Variants in GABRG1 observed in about 807,000 individuals in gnomAD.
GABRG1 encodes the protein gamma-aminobutyric acid type A receptor subunit gamma1.
In GABRG1, 49 loss-of-function variants were observed where a neutral mutation model predicts 49.8. The observed-to-expected ratio is 0.98, with a 90% confidence interval of 0.78 to 1.25. GABRG1 has a LOEUF of 1.25. GABRG1 is among the 50% of genes most tolerant of loss of function. The pLI is 0.00. For missense variants in GABRG1, 552 were observed against 552.3 expected (o/e 1.00, Z 0.01); for synonymous variants, 232 against 185.1 (o/e 1.25, Z -2.06).
intron 1 of GABRG1, among the ~76,000 whole-genome samples, chr4:46,108,287 T>G (rs1720617879): frequency 6.6e-6 from 1 of 151,002 alleles, no homozygotes; most frequent in Non-Finnish European, 1.5e-5. Flanking sequence ...AAAATTCTGC[T>G]TAGTAAATTT....
At chr4:46,085,015 T>C (rs1311797633) in intron 2 of GABRG1, among the ~76,000 whole-genome samples, 1 of 151,634 alleles carries the variant, frequency 6.6e-6, no homozygotes, top group Non-Finnish European at 1.5e-5. Context: ...GTTCCATCTG[T>C]AAGTACATTT....
intron 2 of GABRG1, among the ~76,000 whole-genome samples, chr4:46,088,268 T>C (rs534341595): frequency 1.3e-5 from 2 of 152,192 alleles, no homozygotes; most frequent in South Asian, 4.1e-4. Flanking sequence ...TCATATGTAA[T>C]GAAAAATTGT....
At chr4:46,057,566 T>G (rs1324308292) in intron 7 of GABRG1, among the ~76,000 whole-genome samples, 2 of 152,244 alleles carry the variant, frequency 1.3e-5, no homozygotes, top group African/African-American at 4.8e-5. Flanking sequence ...GTGATTTGAT[T>G]ATTGCAATAG....
chr4:46,111,768 T>A (rs1720723120), intron 1 of GABRG1, among the ~76,000 whole-genome samples: 1 of 151,312 alleles, frequency 6.6e-6, no homozygotes, highest in East Asian at 2.0e-4. Flanking sequence ...TAAATGGTGC[T>A]GGAATAGTTG....
chr4:46,063,048 G>C (rs1296046520), intron 5 of GABRG1, among the ~76,000 whole-genome samples: 1 of 150,708 alleles, frequency 6.6e-6, no homozygotes, highest in Non-Finnish European at 1.5e-5. Flanking sequence ...AACATTCCAT[G>C]CTCATGGGTA....
chr4:46,099,879 A>G (rs550741495), intron 1 of GABRG1, among the ~76,000 whole-genome samples: 59 of 151,776 alleles, frequency 3.9e-4, no homozygotes, highest in Non-Finnish European at 7.1e-4. Flanking sequence ...GACCAATGTA[A>G]CACTGCTACT....
Position 46,041,162 on chromosome 4 carries a change from C to T in GABRG1, c.1224G>A (p.Glu408=), listed in dbSNP as rs748727422. ...QEDDYGYQCL[E]GKDCASFFCC... ...AGAAGAAGCTGGCACAATCTTTGCC[C>T]TCCAAACACTGATACCCATAATCAT... Residue 408 remains glutamate, a synonymous_variant, in exon 9 of 9, where the codon GAG becomes GAA. Coordinates refer to ENST00000295452, the MANE Select transcript of GABRG1 (RefSeq NM_173536.4). 29 of 1,612,956 alleles carry T rather than the reference C, an allele frequency of 1.8e-5. No homozygotes were observed. In the South Asian group the frequency reaches 3.2e-4, roughly 18 times the overall value.
intron 3 of GABRG1, among the ~76,000 whole-genome samples, chr4:46,083,292 T>C (rs2109422489): frequency 6.6e-6 from 1 of 151,826 alleles, no homozygotes; most frequent in East Asian, 1.9e-4. Flanking sequence ...ACTAACACAA[T>C]AACCTGTAAT....
At chr4:46,117,034 G>A (rs1403740658) in intron 1 of GABRG1, among the ~76,000 whole-genome samples, 1 of 150,386 alleles carries the variant, frequency 6.6e-6, no homozygotes, top group African/African-American at 2.4e-5. Context: ...TGTACCTAAT[G>A]TACAACCATT....
intron 2 of GABRG1, among the ~76,000 whole-genome samples, chr4:46,090,358 A>T (rs1719934693): frequency 6.6e-6 from 1 of 152,096 alleles, no homozygotes; most frequent in East Asian, 1.9e-4. Context: ...AAACTCATGG[A>T]GTAGGGCAAC....
chr4:46,048,741 TGAAA>T (rs763636019), intron 8 of GABRG1, among the ~76,000 whole-genome samples: 8 of 149,960 alleles, frequency 5.3e-5, no homozygotes, highest in Admixed American at 1.3e-4. Flanking sequence ...AAAAGACAAA[TGAAA>T]GAAAGAGAAT....
At chr4:46,041,879 T>C (rs1717800694) in intron 8 of GABRG1, among the ~76,000 whole-genome samples, 1 of 152,044 alleles carries the variant, frequency 6.6e-6, no homozygotes, top group African/African-American at 2.4e-5. Flanking sequence ...ATTTCTGTGA[T>C]AGCTATGATA....
chr4:46,060,030 T>C (rs760832713), intron 5 of GABRG1, among the ~76,000 whole-genome samples: 47 of 152,192 alleles, frequency 3.1e-4, no homozygotes, highest in African/African-American at 1.1e-3. Context: ...TTGTCTACTT[T>C]GTAGCTGTCT....
chr4:46,116,239 C>CT, intron 1 of GABRG1, among the ~76,000 whole-genome samples: 1 of 150,762 alleles, frequency 6.6e-6, no homozygotes. Flanking sequence ...TATGTGAGTG[C>CT]TTTTTGGAGT....
At chr4:46,070,340 A>T (rs1489900018) in intron 3 of GABRG1, among the ~76,000 whole-genome samples, 1 of 151,980 alleles carries the variant, frequency 6.6e-6, no homozygotes, top group Non-Finnish European at 1.5e-5. Context: ...AAAAATCAAA[A>T]GAGTAAAATA....
chr4:46,083,817 C>A (rs1181605289), intron 3 of GABRG1, among the ~76,000 whole-genome samples, 169 bp downstream of exon 3: 1 of 151,594 alleles, frequency 6.6e-6, no homozygotes, highest in African/African-American at 2.4e-5. Flanking sequence ...TTCTTAGATA[C>A]AGGTATAGTT....
intron 2 of GABRG1, among the ~76,000 whole-genome samples, chr4:46,096,848 A>T (rs1407113665): frequency 6.6e-6 from 1 of 151,724 alleles, no homozygotes; most frequent in African/African-American, 2.4e-5. Flanking sequence ...TAATTTTGGA[A>T]ATGAGAATGT....
At chr4:46,118,689 G>A (rs748735432) in intron 1 of GABRG1, among the ~76,000 whole-genome samples, 61 of 150,974 alleles carry the variant, frequency 4.0e-4, no homozygotes, top group Non-Finnish European at 2.2e-4. Flanking sequence ...TGGAATGAAC[G>A]GTAGTGCTCA....
At chr4:46,085,738 T>C (rs1719731718) in intron 2 of GABRG1, among the ~76,000 whole-genome samples, 2 of 151,564 alleles carry the variant, frequency 1.3e-5, no homozygotes. Context: ...TTGCTTTGAT[T>C]CATACTATGA....
Sources: allele counts gnomAD v4.1 joint callset (sites outside exome capture counted in the v4.1 genomes callset), GRCh38; gene constraint gnomAD v4.1.1; transcripts MANE v1.5; gene names NCBI Gene and HGNC (gene_info 2026-07-23, HGNC 2026-07-21).